HNRNPUL1: variants seen among roughly 807,000 people sequenced by gnomAD.
HNRNPUL1 encodes the protein heterogeneous nuclear ribonucleoprotein U-like protein 1.
Under a neutral mutation model 108.5 loss-of-function variants are expected in HNRNPUL1, and 14 were observed. The ratio of observed to expected loss-of-function variants is 0.13; its 90% CI spans 0.09 to 0.20. HNRNPUL1 has a LOEUF of 0.20. Ranked by LOEUF, HNRNPUL1 falls within the 10% of genes least tolerant of loss-of-function variation. The pLI is 1.00. For missense variants in HNRNPUL1, 804 were observed against 1,168.3 expected (o/e 0.69, Z 4.55); for synonymous variants, 422 against 445.2 (o/e 0.95, Z 0.66).
chr19:41,291,941 A>C, intron 7 of HNRNPUL1: 1 of 347,314 alleles, frequency 2.9e-6, no homozygotes, highest in Non-Finnish European at 5.3e-6. Flanking sequence ...TAGCTGTGCC[A>C]CTGCACTCAG....
intron 7 of HNRNPUL1, among the ~76,000 whole-genome samples, chr19:41,283,578 C>T (rs1299663932): frequency 6.6e-6 from 1 of 152,196 alleles, no homozygotes; most frequent in African/African-American, 2.4e-5. Flanking sequence ...GCCTCAGCCT[C>T]CTGAGTAGCT....
intron 7 of HNRNPUL1, among the ~76,000 whole-genome samples, chr19:41,284,491 A>G (rs2036092494): frequency 6.6e-6 from 1 of 151,020 alleles, no homozygotes; most frequent in Non-Finnish European, 1.5e-5. Flanking sequence ...CATGGTGAAA[A>G]CAAACTTTTA....
intron 7 of HNRNPUL1, among the ~76,000 whole-genome samples, chr19:41,290,129 G>A (rs1270290327): frequency 2.6e-5 from 4 of 152,124 alleles, no homozygotes; most frequent in Non-Finnish European, 5.9e-5. Flanking sequence ...TCAAGGGAGG[G>A]TGCTTCTGTC....
rs2037218846 is a variant in HNRNPUL1, at chr19:41,301,655, CG to C, written c.1639del (p.Asp547ThrfsTer13). 6.2e-7 allele frequency: 1 copy of C among 1,613,874 alleles called. No homozygotes were observed. Among genetic ancestry groups the C allele is most frequent in the Non-Finnish European group, 8.5e-7 (1 of 1,179,968 alleles). On this transcript the variant is annotated frameshift_variant, in exon 11 of 15. Coordinates refer to ENST00000392006, the MANE Select transcript of HNRNPUL1 (RefSeq NM_007040.6). LOFTEE classifies it high-confidence loss of function. ...TAAAAGACCGAACAATAAAGCGAACCGACGAGGAAGGGAAGGATGTCCCAGA... is the reference window on the plus strand; with the variant it reads ...TAAAAGACCGAACAATAAAGCGAACCACGAGGAAGGGAAGGATGTCCCAGA... ...DLKDRTIKRT[D>X]EEGKDVPDHA...
rs1860690747 is a variant in HNRNPUL1, at chr19:41,306,625, CG to C, written c.*62del. The stretch of plus-strand genomic sequence containing the variant: ...CGGCTTCCTCCACCAGCGCCTGCCT[CG>C]GCCCCTCCTCTGCCCCCGCCAGATC... On this transcript the variant is annotated 3_prime_UTR_variant, in exon 15 of 15. Coordinates refer to ENST00000392006, the MANE Select transcript of HNRNPUL1 (RefSeq NM_007040.6). 9.1e-7 allele frequency: 1 copy of C among 1,104,202 alleles called. No homozygotes were observed. 68.4% of individuals were successfully genotyped at this position (1,104,202 alleles called of 1,614,324 possible).
rs764820631 is a variant in HNRNPUL1 at position 41,304,086 on chromosome 19, C to T, written c.2087C>T (p.Pro696Leu). ...TACAACCGGGCTCCCCAGCAACAGCCGCCACCACAGCAGCCTCCGCCACCA... is the reference window on the plus strand; with the variant it reads ...TACAACCGGGCTCCCCAGCAACAGCTGCCACCACAGCAGCCTCCGCCACCA... ...GSYNRAPQQQ[P>L]PPQQPPPPQP... Residue 696 changes from proline to leucine, a missense_variant, in exon 13 of 15, where the codon CCG (proline) becomes CTG (leucine). Around this residue, in one of 4 missense-constraint regions of HNRNPUL1, gnomAD observed 294 missense variants for 388.3 expected, o/e 0.76. Transcript: ENST00000392006. 17 of 1,612,968 alleles carry T rather than the reference C, an allele frequency of 1.1e-5. No individual in the cohort carries two copies. The highest frequency in any genetic ancestry group is 3.3e-5 in the Admixed American group (2 of 60,000).
At chr19:41,289,963 G>A (rs981976153) in intron 7 of HNRNPUL1, among the ~76,000 whole-genome samples, 4 of 151,782 alleles carry the variant, frequency 2.6e-5, no homozygotes, top group Non-Finnish European at 5.9e-5. Flanking sequence ...TGCCCACCTC[G>A]GCCTCCCAAA....
At chr19:41,303,135 G>A (rs1211901307) in intron 12 of HNRNPUL1, among the ~76,000 whole-genome samples, 186 bp downstream of exon 12, 3 of 152,294 alleles carry the variant, frequency 2.0e-5, no homozygotes, top group Non-Finnish European at 2.9e-5. Context: ...CTCCCTGGAC[G>A]CTGGTTATGA....
chr19:41,290,126 A>C (rs2036498439), intron 7 of HNRNPUL1, among the ~76,000 whole-genome samples: 1 of 152,106 alleles, frequency 6.6e-6, no homozygotes, highest in Non-Finnish European at 1.5e-5. Context: ...TCCTCAAGGG[A>C]GGGTGCTTCT....
upstream of HNRNPUL1, among the ~76,000 whole-genome samples, chr19:41,263,757 T>C (rs2034632513): frequency 6.6e-6 from 1 of 152,240 alleles, no homozygotes; most frequent in South Asian, 2.1e-4. Flanking sequence ...TTTCCTAAAA[T>C]GAGCCATCGC....
chr19:41,300,194 G>A (rs1375115252), intron 10 of HNRNPUL1, among the ~76,000 whole-genome samples: 4 of 152,080 alleles, frequency 2.6e-5, no homozygotes, highest in Non-Finnish European at 5.9e-5. Context: ...CCAGCCCAGG[G>A]AGGGAGGCTT....
chr19:41,305,519 C>G (rs538815496), intron 13 of HNRNPUL1, 157 bp from the exon 14 acceptor site: 82 of 848,428 alleles, frequency 9.7e-5, no homozygotes, highest in Non-Finnish European at 1.3e-4. Context: ...ATGGAGCTGG[C>G]TCTCCTCCTT....
chr19:41,292,394 C>T lies in HNRNPUL1; in HGVS notation c.1149C>T (p.Phe383=), dbSNP rs528087616. ...LVKNCAVEFN[F]GQRAEPYCSV... Reference sequence around the variant, plus strand: ...AGAATTGCGCAGTGGAGTTCAACTTCGGACAGAGAGCAGAGCCCTACTGTT... The same window carrying T: ...AGAATTGCGCAGTGGAGTTCAACTTTGGACAGAGAGCAGAGCCCTACTGTT... The change falls in exon 8 of 15, where the codon TTC becomes TTT. Residue 383 remains phenylalanine (F), a synonymous_variant. Coordinates refer to ENST00000392006, the MANE Select transcript of HNRNPUL1 (RefSeq NM_007040.6). This position sits in a 1 kb window ranked among gnomAD's most constrained non-coding sequence, Gnocchi z 4.1. 1.2e-5 allele frequency: 19 copies of T among 1,614,200 alleles called. No homozygotes were observed. The East Asian group carries it at 1.3e-4, about 11-fold the overall frequency.
In HNRNPUL1 at chr19:41,264,567, ACTCGAGGC is replaced by A. The variant is rs2122339222; in HGVS notation, c.68_75del (p.Arg23GlnfsTer6). 1 of 1,545,500 alleles carries A rather than the reference ACTCGAGGC, an allele frequency of 6.5e-7. No individual in the cohort carries two copies. Among genetic ancestry groups the A allele is most frequent in the East Asian group, 2.4e-5 (1 of 40,858 alleles). ...GGAGCTGCAGCGCCGCGGCCTGGAC[ACTCGAGGC>A]CTCAAGGCCGAGCTTGCTGAGCGGC... On this transcript the variant is annotated frameshift_variant, in exon 1 of 15. Transcript: ENST00000392006. LOFTEE classifies it high-confidence loss of function.
intron 7 of HNRNPUL1, among the ~76,000 whole-genome samples, chr19:41,285,720 G>A (rs1278230603): frequency 6.6e-6 from 1 of 152,074 alleles, no homozygotes; most frequent in Non-Finnish European, 1.5e-5. Context: ...TTTTGATATT[G>A]GAGAATGCCA....
intron 2 of HNRNPUL1, among the ~76,000 whole-genome samples, chr19:41,270,594 T>C (rs939205036): frequency 1.4e-4 from 11 of 77,756 alleles, no homozygotes; most frequent in South Asian, 4.3e-4. Flanking sequence ...CTCCCTTCCC[T>C]TTTTTTTTTT....
chr19:41,265,114 A>G (rs538397696), intron 1 of HNRNPUL1: 16 of 1,418,614 alleles, frequency 1.1e-5, no homozygotes, highest in Non-Finnish European at 1.5e-5. Context: ...GAGTCGGAAG[A>G]ACAAGAGGTT....
In HNRNPUL1 at chr19:41,292,728, A is replaced by G. The variant is rs1422974098; in HGVS notation, c.1266+217A>G. On this transcript the variant is annotated intron_variant, in intron 8 of 14. Transcript: ENST00000392006. This position sits in a 1 kb window ranked among gnomAD's most constrained non-coding sequence, Gnocchi z 4.1. ...AGTTGAAGTCGGAGAGGCTACCTAAATCTCAGAAAGATTGCATCTTCTTCT... is the reference window on the plus strand; with the variant it reads ...AGTTGAAGTCGGAGAGGCTACCTAAGTCTCAGAAAGATTGCATCTTCTTCT... 6.7e-6 allele frequency among the ~76,000 whole-genome samples: 1 copy of G among 149,422 alleles called. No individual in the cohort carries two copies. Among genetic ancestry groups the G allele is most frequent in the Non-Finnish European group, 1.5e-5 (1 of 66,690 alleles).
At chr19:41,265,973 C>T (rs1482711884) in intron 1 of HNRNPUL1, among the ~76,000 whole-genome samples, 1 of 151,978 alleles carries the variant, frequency 6.6e-6, no homozygotes, top group Non-Finnish European at 1.5e-5. Flanking sequence ...CTCGACGGTT[C>T]CCAGAAGCAG....
Sources: allele counts gnomAD v4.1 joint callset (sites outside exome capture counted in the v4.1 genomes callset), GRCh38; gene constraint gnomAD v4.1.1; regional missense constraint gnomAD v4.1.1; non-coding constraint Gnocchi (gnomAD v3.1); transcripts MANE v1.5; gene names NCBI Gene and HGNC (gene_info 2026-07-23, HGNC 2026-07-21).